CTNND2: variants seen among roughly 807,000 people sequenced by gnomAD.
The protein encoded by CTNND2 is catenin delta-2.
In CTNND2, 22 loss-of-function variants were observed where a neutral mutation model predicts 144.4. That is an observed-to-expected ratio of 0.15 (90% confidence interval 0.11 to 0.22). CTNND2 has a LOEUF of 0.22. Ranked by LOEUF, CTNND2 falls within the 10% of genes least tolerant of loss-of-function variation. The probability of loss-of-function intolerance (pLI) is 1.00; values close to 1 mark genes in which losing one functional copy is unlikely to be tolerated. For synonymous variants in CTNND2, 751 were observed against 695.6 expected (o/e 1.08, Z -1.25); for missense variants, 1,353 against 1,618.8 (o/e 0.84, Z 2.82).
intron 9 of CTNND2, among the ~76,000 whole-genome samples, chr5:11,302,871 G>A (rs564961158): frequency 6.6e-6 from 1 of 152,286 alleles, no homozygotes; most frequent in South Asian, 2.1e-4. Context: ...AAGTTAGGAG[G>A]AGGAGGACCA....
chr5:11,152,798 T>C (rs1757861071), intron 12 of CTNND2, among the ~76,000 whole-genome samples: 1 of 152,122 alleles, frequency 6.6e-6, no homozygotes, highest in African/African-American at 2.4e-5. Flanking sequence ...CTCAATAAAA[T>C]CACTTCACAT....
At chr5:11,660,866 C>A (rs1783163491) in intron 2 of CTNND2, among the ~76,000 whole-genome samples, 1 of 151,764 alleles carries the variant, frequency 6.6e-6, no homozygotes, top group South Asian at 2.1e-4. Flanking sequence ...TATGTAGGAT[C>A]AATATAATTA....
chr5:11,418,985 C>T (rs992836684), intron 3 of CTNND2, among the ~76,000 whole-genome samples: 7 of 149,596 alleles, frequency 4.7e-5, no homozygotes, highest in Non-Finnish European at 8.9e-5. Flanking sequence ...AATACATATA[C>T]ATGCATCTCT....
chr5:11,143,569 A>G (rs902927233), intron 12 of CTNND2, among the ~76,000 whole-genome samples: 1 of 152,178 alleles, frequency 6.6e-6, no homozygotes, highest in African/African-American at 2.4e-5. Flanking sequence ...TTTTGTAATG[A>G]TCAGTCACAT....
intron 2 of CTNND2, among the ~76,000 whole-genome samples, chr5:11,571,373 C>T (rs1777538041): frequency 6.6e-6 from 1 of 152,166 alleles, no homozygotes; most frequent in South Asian, 2.1e-4. Flanking sequence ...CCTGAAAAGG[C>T]TCTTCCTAGC....
chr5:11,063,377 A>G (rs1440000518), intron 16 of CTNND2, among the ~76,000 whole-genome samples: 1 of 152,180 alleles, frequency 6.6e-6, no homozygotes, highest in African/African-American at 2.4e-5. Flanking sequence ...AAGATAAATG[A>G]TATATTATTT....
chr5:11,201,632 T>C (rs968784630), intron 10 of CTNND2, among the ~76,000 whole-genome samples: 2 of 152,182 alleles, frequency 1.3e-5, no homozygotes, highest in African/African-American at 4.8e-5. Context: ...TTGGAAACCA[T>C]GAATGCAGCG....
chr5:11,275,713 T>A (rs1746452525), intron 9 of CTNND2, among the ~76,000 whole-genome samples: 1 of 152,234 alleles, frequency 6.6e-6, no homozygotes, highest in Non-Finnish European at 1.5e-5. Flanking sequence ...TACAGCCTTA[T>A]ATTCAAGGGA....
intron 2 of CTNND2, among the ~76,000 whole-genome samples, chr5:11,709,282 A>G (rs1314431183): frequency 6.6e-6 from 1 of 152,208 alleles, no homozygotes; most frequent in Admixed American, 6.5e-5. Context: ...GCCAAGATTT[A>G]CAAGATGAAA....
chr5:11,448,486 T>G (rs536750724), intron 3 of CTNND2, among the ~76,000 whole-genome samples: 2 of 152,264 alleles, frequency 1.3e-5, no homozygotes, highest in South Asian at 4.2e-4. Flanking sequence ...ATTGTTTTAT[T>G]AATGTTTTAT....
At chr5:11,762,074 C>G (rs541585729) in intron 1 of CTNND2, among the ~76,000 whole-genome samples, 11 of 152,092 alleles carry the variant, frequency 7.2e-5, no homozygotes, top group Non-Finnish European at 1.5e-4. Flanking sequence ...TTAAATGCAC[C>G]TTTAAATACA....
At chr5:11,552,421 A>G (rs1260771297) in intron 3 of CTNND2, among the ~76,000 whole-genome samples, 3 of 152,214 alleles carry the variant, frequency 2.0e-5, no homozygotes, top group African/African-American at 4.8e-5. Flanking sequence ...AAAAAGCTAA[A>G]TAAATCTATA....
intron 8 of CTNND2, among the ~76,000 whole-genome samples, chr5:11,348,855 T>G (rs1364694629): frequency 6.6e-6 from 1 of 152,132 alleles, no homozygotes; most frequent in Non-Finnish European, 1.5e-5. Context: ...GGTGGGAAAT[T>G]CAATTAATTA....
At chr5:11,821,155 A>G (rs1450797257) in intron 1 of CTNND2, among the ~76,000 whole-genome samples, 5 of 152,204 alleles carry the variant, frequency 3.3e-5, no homozygotes, top group Admixed American at 2.0e-4. Context: ...TATCCAATAT[A>G]AACTTAGGTC....
At chr5:11,172,477 T>C (rs924572341) in intron 11 of CTNND2, among the ~76,000 whole-genome samples, 4 of 152,222 alleles carry the variant, frequency 2.6e-5, no homozygotes, top group Non-Finnish European at 4.4e-5. Context: ...TCCAGAACTG[T>C]TTCAAGCCTT....
rs1737504923 is a variant in CTNND2 at position 10,983,103 on chromosome 5, C to T, written c.3344-1257G>A. Among the ~76,000 whole-genome samples the T allele has an allele frequency of 2.6e-5, 4 of 151,396 alleles. No individual in the cohort carries two copies. The South Asian group carries it at 8.3e-4, about 32-fold the overall frequency. On this transcript the variant is annotated intron_variant, in intron 20 of 21. Coordinates refer to ENST00000304623, the MANE Select transcript of CTNND2 (RefSeq NM_001332.4). ...AGTGTTTCATAGCACCATAGGGCAA[C>T]CATAATTCACAGTAATTTATTGTAT...
chr5:11,173,159 C>A (rs190355326), intron 11 of CTNND2, among the ~76,000 whole-genome samples: 2 of 152,202 alleles, frequency 1.3e-5, no homozygotes, highest in Admixed American at 1.3e-4. Context: ...GCCGAACTTC[C>A]CGGGTACCCG....
chr5:10,995,531 A>AGG (rs1404524679), intron 18 of CTNND2, among the ~76,000 whole-genome samples: 1 of 152,232 alleles, frequency 6.6e-6, no homozygotes, highest in Non-Finnish European at 1.5e-5. Context: ...GAATTGGTGA[A>AGG]GGGGAGACAG....
chr5:11,240,044 G>T (rs1051546990), intron 9 of CTNND2, among the ~76,000 whole-genome samples: 1 of 152,056 alleles, frequency 6.6e-6, no homozygotes, highest in South Asian at 2.1e-4. Flanking sequence ...GACATGGACA[G>T]TGTTTCCACA....
Sources: gnomAD v4.1 joint callset for allele counts (sites outside exome capture counted in the v4.1 genomes callset) on GRCh38, gnomAD v4.1.1 for gene constraint, MANE v1.5 for transcripts, NCBI Gene and HGNC (gene_info 2026-07-23, HGNC 2026-07-21) for gene names.